POLA1: variants seen among roughly 807,000 people sequenced by gnomAD.
POLA1 encodes DNA polymerase alpha 1, catalytic subunit, also known as DNA polymerase alpha catalytic subunit.
Under a neutral mutation model 124.0 loss-of-function variants are expected in POLA1, and 15 were observed. That is an observed-to-expected ratio of 0.12 (90% CI 0.08 to 0.19). The LOEUF (loss-of-function observed/expected upper bound fraction) is 0.19, where lower values mean the gene tolerates loss of function less well. Ranked by LOEUF, POLA1 falls within the 10% of genes least tolerant of loss-of-function variation. The probability of loss-of-function intolerance (pLI) is 1.00; values close to 1 mark genes in which losing one functional copy is unlikely to be tolerated. For missense variants in POLA1, 886 were observed against 1,103.4 expected (o/e 0.80, Z 2.79); for synonymous variants, 408 against 389.4 (o/e 1.05, Z -0.56).
chrX:24,725,882 A>G (rs1346811099), intron 12 of POLA1, 99 bp from the exon 13 acceptor site: 1 of 549,273 alleles, frequency 1.8e-6, no homozygotes, highest in Non-Finnish European at 3.0e-6. Context: ...TGTGTTCCAT[A>G]AGGATTCTTG....
intron 35 of POLA1, among the ~76,000 whole-genome samples, chrX:24,901,321 T>C (rs1348440316): frequency 9.0e-6 from 1 of 110,900 alleles, no homozygotes; most frequent in African/African-American, 3.3e-5. Flanking sequence ...CTTGCAGATA[T>C]GAAGAGGAAG....
At chrX:24,888,844 G>A (rs2047104038) in intron 35 of POLA1, among the ~76,000 whole-genome samples, 1 of 108,111 alleles carries the variant, frequency 9.2e-6, no homozygotes, top group African/African-American at 3.4e-5. Flanking sequence ...AAAGTGCTGG[G>A]ATTACAGGCA....
At chrX:24,944,444 T>G (rs1272938995) in intron 36 of POLA1, among the ~76,000 whole-genome samples, 1 of 111,777 alleles carries the variant, frequency 8.9e-6, no homozygotes, top group Non-Finnish European at 1.9e-5. Flanking sequence ...TGTGAAACTT[T>G]TGTGTGTTGA....
chrX:24,979,129 T>C (rs1180336996), intron 36 of POLA1, among the ~76,000 whole-genome samples: 1 of 112,200 alleles, frequency 8.9e-6, no homozygotes, highest in Non-Finnish European at 1.9e-5. Flanking sequence ...ATTAACATTA[T>C]AAAAGATTAC....
intron 36 of POLA1, among the ~76,000 whole-genome samples, chrX:24,945,019 G>A (rs2147235680): frequency 8.9e-6 from 1 of 112,028 alleles, no homozygotes; most frequent in Non-Finnish European, 1.9e-5. Flanking sequence ...TCTGGAGTGA[G>A]AGTGCCAGGT....
chrX:24,777,573 T>C (rs181222756), intron 26 of POLA1, among the ~76,000 whole-genome samples: 3 of 112,845 alleles, frequency 2.7e-5, no homozygotes, highest in Admixed American at 9.3e-5. Flanking sequence ...CATTTTTAAG[T>C]GTGCAGGTGC....
At chrX:24,790,489 G>C (rs1160733978) in intron 26 of POLA1, among the ~76,000 whole-genome samples, 1 of 111,436 alleles carries the variant, frequency 9.0e-6, no homozygotes, top group African/African-American at 3.3e-5. Context: ...CTTTGACACT[G>C]TTCGTTGCCT....
At chrX:24,995,561 G>A (rs982649593) in intron 36 of POLA1, among the ~76,000 whole-genome samples, 3 of 112,132 alleles carry the variant, frequency 2.7e-5, no homozygotes, top group African/African-American at 9.7e-5. Flanking sequence ...CATCAGTAGA[G>A]GGTGGCCCTG....
intron 26 of POLA1, among the ~76,000 whole-genome samples, chrX:24,795,142 G>A (rs1408792334): frequency 9.0e-6 from 1 of 110,759 alleles, no homozygotes; most frequent in Non-Finnish European, 1.9e-5. Flanking sequence ...CGTTGAGAGC[G>A]CATTCCAACG....
rs142452614 is a variant in POLA1 at position 24,973,321 on chromosome X, C to T, written c.4262-22484C>T. On this transcript the variant is annotated intron_variant, in intron 36 of 36. Coordinates refer to ENST00000379068, the MANE Select transcript of POLA1 (RefSeq NM_001330360.2). ...CGGGGTTTGCAGTGAGCTGAGATAGCGCCACTGCACTCCAGCCTGGGTGAC... is the reference window on the plus strand; with the variant it reads ...CGGGGTTTGCAGTGAGCTGAGATAGTGCCACTGCACTCCAGCCTGGGTGAC... 8.6e-3 allele frequency among the ~76,000 whole-genome samples: 938 copies of T among 109,526 alleles called. 9 individuals are homozygous for T. The highest frequency in any genetic ancestry group is 0.03 in the African/African-American group (896 of 29,891).
intron 35 of POLA1, among the ~76,000 whole-genome samples, chrX:24,925,741 G>A (rs1429435883): frequency 3.7e-5 from 4 of 108,451 alleles, no homozygotes; most frequent in Non-Finnish European, 5.8e-5. Context: ...GCATCATTCC[G>A]TTTGTTTGTT....
chrX:24,702,437 C>T (rs1928519029), intron 2 of POLA1, among the ~76,000 whole-genome samples: 1 of 112,585 alleles, frequency 8.9e-6, no homozygotes, highest in African/African-American at 3.2e-5. Context: ...TCTGGAAAGT[C>T]ACTGGCCTTT....
At chrX:24,826,112 T>A (rs1439368534) in intron 31 of POLA1, among the ~76,000 whole-genome samples, 1 of 112,419 alleles carries the variant, frequency 8.9e-6, no homozygotes, top group African/African-American at 3.2e-5. Flanking sequence ...TGTTTGGTGA[T>A]ATGGCAGGTG....
intron 10 of POLA1, among the ~76,000 whole-genome samples, chrX:24,720,731 C>A (rs940768442): frequency 8.9e-6 from 1 of 112,214 alleles, no homozygotes; most frequent in African/African-American, 3.2e-5. Context: ...TTCTACATTT[C>A]GTTTACTGGC....
intron 26 of POLA1, chrX:24,788,657 G>T: frequency 8.4e-7 from 1 of 1,196,793 alleles, no homozygotes; most frequent in Middle Eastern, 2.9e-4. Context: ...GGAAGACTTG[G>T]CAACAAGTGC....
chrX:24,960,224 A>G (rs145477739), intron 36 of POLA1, among the ~76,000 whole-genome samples: 3 of 111,962 alleles, frequency 2.7e-5, no homozygotes, highest in Admixed American at 9.5e-5. Context: ...TGCACTATAA[A>G]TAGATTGAAG....
chrX:24,791,332 G>T (rs934327690), intron 26 of POLA1, among the ~76,000 whole-genome samples: 1 of 111,975 alleles, frequency 8.9e-6, no homozygotes, highest in South Asian at 3.7e-4. Context: ...AGCACAAACA[G>T]GTTGGAACTT....
intron 34 of POLA1, among the ~76,000 whole-genome samples, chrX:24,882,006 T>C (rs1389398729): frequency 9.0e-6 from 1 of 110,817 alleles, no homozygotes; most frequent in Non-Finnish European, 1.9e-5. Context: ...AGGTGTGTGA[T>C]TGGGAGATGG....
At chrX:24,755,716 G>C (rs951459336) in intron 26 of POLA1, among the ~76,000 whole-genome samples, 1 of 111,443 alleles carries the variant, frequency 9.0e-6, no homozygotes, top group African/African-American at 3.3e-5. Context: ...ACACTATGTG[G>C]GTTTTTTTCC....
Sources: allele counts gnomAD v4.1 joint callset (sites outside exome capture counted in the v4.1 genomes callset), GRCh38; gene constraint gnomAD v4.1.1; transcripts MANE v1.5; gene names NCBI Gene and HGNC (gene_info 2026-07-23, HGNC 2026-07-21).